The following SGCD variants were observed in gnomAD, a reference collection of about 807,000 sequenced individuals.
SGCD encodes delta-sarcoglycan.
SGCD carries 18 observed loss-of-function variants against 36.6 expected under a neutral mutation model. The observed-to-expected ratio is 0.49, with a 90% CI of 0.34 to 0.73. SGCD has a LOEUF of 0.73. SGCD is among the 30% of genes least tolerant of loss of function. The pLI is 0.01. For missense variants in SGCD, 387 were observed against 346.7 expected, an observed-to-expected ratio of 1.12 and a Z score of -0.92; for synonymous variants, 133 against 130.6, an observed-to-expected ratio of 1.02 and a Z score of -0.12.
intron 3 of SGCD, among the ~76,000 whole-genome samples, chr5:156,237,586 C>T (rs1765198896): frequency 6.6e-6 from 1 of 152,094 alleles, no homozygotes; most frequent in South Asian, 2.1e-4. Context: ...GATCACGCCA[C>T]TGAACACCAG....
chr5:155,783,112 T>G, the SGCD span, among the ~76,000 whole-genome samples: 1 of 152,142 alleles, frequency 6.6e-6, no homozygotes, highest in East Asian at 1.9e-4. Context: ...GGGAAATAAG[T>G]ATCTATTTTT....
chr5:156,151,183 C>G (rs1762825118), intron 3 of SGCD, among the ~76,000 whole-genome samples: 1 of 151,594 alleles, frequency 6.6e-6, no homozygotes, highest in Non-Finnish European at 1.5e-5. Context: ...TTCCTGCTTT[C>G]TCCTCTTTCC....
intron 4 of SGCD, among the ~76,000 whole-genome samples, chr5:156,544,294 G>A (rs140307025): frequency 6.6e-6 from 1 of 152,132 alleles, no homozygotes; most frequent in Non-Finnish European, 1.5e-5. Flanking sequence ...TTTCCTATGG[G>A]AACTTTGGTG....
At chr5:156,674,929 C>T (rs1343638933) in intron 7 of SGCD, among the ~76,000 whole-genome samples, 1 of 152,096 alleles carries the variant, frequency 6.6e-6, no homozygotes, top group African/African-American at 2.4e-5. Flanking sequence ...GACTTCATTC[C>T]CATTGTATTG....
At chr5:156,151,316 G>A (rs764150082) in intron 3 of SGCD, among the ~76,000 whole-genome samples, 3 of 151,638 alleles carry the variant, frequency 2.0e-5, no homozygotes, top group Non-Finnish European at 4.4e-5. Flanking sequence ...TGGATGTGTG[G>A]CACAACTGTG....
chr5:156,011,141 A>G (rs1758852306), intron 1 of SGCD, among the ~76,000 whole-genome samples: 1 of 152,216 alleles, frequency 6.6e-6, no homozygotes, highest in African/African-American at 2.4e-5. Flanking sequence ...TATTTTGGAC[A>G]TCTACTCTAT....
intron 3 of SGCD, among the ~76,000 whole-genome samples, chr5:156,260,208 T>C (rs1765823240): frequency 6.6e-6 from 1 of 152,188 alleles, no homozygotes; most frequent in Non-Finnish European, 1.5e-5. Context: ...GTTATACCTT[T>C]CTTTAAAAAG....
the SGCD span, among the ~76,000 whole-genome samples, chr5:155,855,211 C>T: frequency 1.3e-5 from 2 of 152,114 alleles, no homozygotes; most frequent in African/African-American, 2.4e-5. Context: ...AAAATCAGCA[C>T]CCCCCTCGGC....
chr5:156,689,024 G>A (rs892243573), intron 7 of SGCD, among the ~76,000 whole-genome samples: 2 of 152,156 alleles, frequency 1.3e-5, no homozygotes, highest in Admixed American at 6.5e-5. Flanking sequence ...TACACACAGT[G>A]TACTATCCTA....
chr5:156,718,491 G>A (rs532968543), intron 7 of SGCD, among the ~76,000 whole-genome samples: 1 of 152,048 alleles, frequency 6.6e-6, no homozygotes, highest in Non-Finnish European at 1.5e-5. Flanking sequence ...TAAATATAGG[G>A]ATAATAGGCC....
At chr5:156,406,926 G>A (rs1396956456) in intron 3 of SGCD, among the ~76,000 whole-genome samples, 5 of 150,712 alleles carry the variant, frequency 3.3e-5, no homozygotes, top group Admixed American at 3.3e-4. Context: ...CAAGCTTGAG[G>A]AGTGAGGAGA....
chr5:156,613,678 T>A (rs1481328734), intron 6 of SGCD, among the ~76,000 whole-genome samples: 2 of 152,212 alleles, frequency 1.3e-5, no homozygotes, highest in African/African-American at 4.8e-5. Context: ...AACTCAGGGA[T>A]AGACCTCAGT....
At chr5:155,730,794 C>A in the SGCD span, among the ~76,000 whole-genome samples, 1 of 152,210 alleles carries the variant, frequency 6.6e-6, no homozygotes, top group Non-Finnish European at 1.5e-5. Flanking sequence ...TTTAGCCTTG[C>A]TGCCTTAATA....
At chr5:156,518,745 C>G (rs1281031219) in intron 4 of SGCD, among the ~76,000 whole-genome samples, 1 of 152,116 alleles carries the variant, frequency 6.6e-6, no homozygotes, top group Non-Finnish European at 1.5e-5. Flanking sequence ...CAACCTGTTC[C>G]CAAGTGACTC....
Position 156,024,178 on chromosome 5 carries a change from C to T in SGCD, c.-281-93700C>T, listed in dbSNP as rs573615968. ...TCTACAAAAGTGAATGGATATCTAT[C>T]GACACAGGGAAGCTTGAGGTAAATG... is the stretch of plus-strand genomic sequence containing the variant. On this transcript the variant is annotated intron_variant, in intron 1 of 9. Transcript: ENST00000517913. Among the ~76,000 whole-genome samples the T allele has an allele frequency of 2.6e-5, 4 of 152,078 alleles. No homozygotes were observed. The East Asian group carries it at 5.8e-4, about 22-fold the overall frequency.
chr5:156,374,078 G>A (rs1222607281), intron 3 of SGCD, among the ~76,000 whole-genome samples: 1 of 151,808 alleles, frequency 6.6e-6, no homozygotes, highest in African/African-American at 2.4e-5. Context: ...GGATAAAAAT[G>A]GTGCAGTTTG....
chr5:155,845,292 T>C, the SGCD span: 4 of 152,202 alleles, frequency 2.6e-5, no homozygotes, highest in South Asian at 8.3e-4. Context: ...TCCAGGTACC[T>C]GCTGCCTTCC....
chr5:155,980,974 T>G (rs1758218281), intron 1 of SGCD, among the ~76,000 whole-genome samples: 1 of 152,160 alleles, frequency 6.6e-6, no homozygotes, highest in Admixed American at 6.5e-5. Context: ...AAAGGGGCAG[T>G]GTAAACTCAG....
At chr5:156,013,535 AT>A (rs1331919113) in intron 1 of SGCD, among the ~76,000 whole-genome samples, 1 of 152,150 alleles carries the variant, frequency 6.6e-6, no homozygotes, top group African/African-American at 2.4e-5. Context: ...TTATTTTAAA[AT>A]ATTGTCAGTT....
Sources: gnomAD v4.1 joint callset for allele counts (sites outside exome capture counted in the v4.1 genomes callset) on GRCh38, gnomAD v4.1.1 for gene constraint, MANE v1.5 for transcripts, NCBI Gene and HGNC (gene_info 2026-07-23, HGNC 2026-07-21) for gene names.